Variants in GFRA1 observed in about 807,000 individuals in gnomAD.
GFRA1 encodes the protein GDNF family receptor alpha-1.
A neutral mutation model predicts 51.6 loss-of-function variants in GFRA1; 16 were observed. The observed-to-expected ratio is 0.31, with a 90% CI of 0.21 to 0.47. The LOEUF is 0.47. Ranked by LOEUF, GFRA1 falls within the 20% of genes least tolerant of loss-of-function variation. GFRA1 has a pLI of 1.00. For missense variants in GFRA1, 530 were observed against 594.3 expected, an observed-to-expected ratio of 0.89 and a Z score of 1.13; for synonymous variants, 270 against 241.3, an observed-to-expected ratio of 1.12 and a Z score of -1.10.
intron 4 of GFRA1, among the ~76,000 whole-genome samples, chr10:116,231,371 T>C (rs760967868): frequency 4.3e-4 from 65 of 152,158 alleles, no homozygotes; most frequent in Non-Finnish European, 2.2e-4. Flanking sequence ...TTAAACTAAA[T>C]AGTGGCTCAA....
At chr10:116,245,535 C>A (rs1413714438) in intron 4 of GFRA1, among the ~76,000 whole-genome samples, 2 of 152,132 alleles carry the variant, frequency 1.3e-5, no homozygotes, top group African/African-American at 4.8e-5. Flanking sequence ...TTTTACAAAC[C>A]TAAACATAGA....
At chr10:116,185,359 C>T (rs1382846639) in intron 5 of GFRA1, among the ~76,000 whole-genome samples, 1 of 152,132 alleles carries the variant, frequency 6.6e-6, no homozygotes, top group Non-Finnish European at 1.5e-5. Context: ...AGGCTATTAA[C>T]AGTGCCACCC....
chr10:116,124,298 C>T (rs1033403896), intron 6 of GFRA1, among the ~76,000 whole-genome samples: 2 of 151,646 alleles, frequency 1.3e-5, no homozygotes, highest in East Asian at 1.9e-4. Flanking sequence ...GGTGCCATCT[C>T]GCCTCACTGC....
At chr10:116,086,348 A>G (rs1008473426) in intron 9 of GFRA1, among the ~76,000 whole-genome samples, 2 of 152,156 alleles carry the variant, frequency 1.3e-5, no homozygotes, top group African/African-American at 4.8e-5. Flanking sequence ...TCAGACACCA[A>G]ACTGCATGTG....
chr10:116,162,594 T>A (rs980340682), intron 5 of GFRA1, among the ~76,000 whole-genome samples: 2 of 152,218 alleles, frequency 1.3e-5, no homozygotes, highest in East Asian at 1.9e-4. Context: ...CACATACACA[T>A]GCACTTGGAC....
At chr10:116,121,979 G>A (rs745479834) in intron 6 of GFRA1, among the ~76,000 whole-genome samples, 12 of 152,166 alleles carry the variant, frequency 7.9e-5, no homozygotes, top group Admixed American at 6.5e-5. Flanking sequence ...CAACCTAGCA[G>A]CTCAAATTAT....
At chr10:116,247,743 A>G (rs921152017) in intron 4 of GFRA1, among the ~76,000 whole-genome samples, 6 of 152,168 alleles carry the variant, frequency 3.9e-5, no homozygotes, top group Admixed American at 3.9e-4. Context: ...ACCCACTCCT[A>G]TCACTCTCTG....
chr10:116,092,558 G>T (rs1460976271), intron 8 of GFRA1, among the ~76,000 whole-genome samples: 1 of 152,116 alleles, frequency 6.6e-6, no homozygotes, highest in Non-Finnish European at 1.5e-5. Context: ...CCACCAGGAA[G>T]TCAGACTGAC....
chr10:116,213,718 G>T (rs2134454650), intron 4 of GFRA1, among the ~76,000 whole-genome samples: 1 of 152,222 alleles, frequency 6.6e-6, no homozygotes, highest in East Asian at 1.9e-4. Flanking sequence ...GCACCTCATA[G>T]GTTAACAGAC....
At position 116,064,256 on chromosome 10, in the gene GFRA1, GAAAA is replaced by G; in HGVS notation, c.*138_*141del. The G allele has an allele frequency of 1.6e-6, 1 of 609,896 alleles. No individual in the cohort carries two copies. 37.8% of individuals were successfully genotyped at this position (609,896 alleles called of 1,614,324 possible). ...GGATCACAAGAAGCTTTCTTAAAAGGAAAAAAAAAAAATGTTCCAGTTGAATGGA... is the reference window on the plus strand; with the variant it reads ...GGATCACAAGAAGCTTTCTTAAAAGGAAAAAAAATGTTCCAGTTGAATGGA... On this transcript the variant is annotated 3_prime_UTR_variant, in exon 11 of 11. Transcript: ENST00000355422.
chr10:116,177,523 C>A (rs1264870998), intron 5 of GFRA1, among the ~76,000 whole-genome samples: 1 of 152,030 alleles, frequency 6.6e-6, no homozygotes, highest in African/African-American at 2.4e-5. Context: ...GGAGGAGGGT[C>A]TTGGCTAGTG....
At chr10:116,121,503 C>A (rs998667398) in intron 6 of GFRA1, among the ~76,000 whole-genome samples, 2 of 152,150 alleles carry the variant, frequency 1.3e-5, no homozygotes, top group Admixed American at 1.3e-4. Context: ...TGTTGCTTCC[C>A]ATCTGTTTGA....
intron 4 of GFRA1, among the ~76,000 whole-genome samples, chr10:116,222,447 C>T (rs886985060): frequency 1.3e-5 from 2 of 152,154 alleles, no homozygotes; most frequent in Non-Finnish European, 2.9e-5. Flanking sequence ...GATCCGCCCC[C>T]TTCAGGCTCC....
At position 116,088,257 on chromosome 10, in the gene GFRA1, G is replaced by A. The variant is rs1956178273; in HGVS notation, c.1197+1484C>T. The stretch of plus-strand genomic sequence containing the variant: ...GTCAAGCTAGTATTTGGTGAAAGAA[G>A]GCATCTTGTGAGAATTCTAGTGAGG... On this transcript the variant is annotated intron_variant, in intron 9 of 10. Coordinates refer to ENST00000355422, the MANE Select transcript of GFRA1 (RefSeq NM_005264.8). 2.0e-5 allele frequency among the ~76,000 whole-genome samples: 3 copies of A among 150,682 alleles called. 1 individual carries two copies. In the South Asian group the frequency reaches 6.4e-4, roughly 32 times the overall value.
chr10:116,251,313 C>T (rs948350910), intron 4 of GFRA1, among the ~76,000 whole-genome samples: 10 of 152,160 alleles, frequency 6.6e-5, no homozygotes, highest in Admixed American at 4.6e-4. Context: ...GACAAAGCTC[C>T]GAAGAGCACA....
intron 4 of GFRA1, among the ~76,000 whole-genome samples, chr10:116,239,766 A>G (rs2134623965): frequency 6.6e-6 from 1 of 152,346 alleles, no homozygotes; most frequent in South Asian, 2.1e-4. Flanking sequence ...TCATCAAAAG[A>G]TAATTTATAC....
intron 5 of GFRA1, among the ~76,000 whole-genome samples, chr10:116,128,598 C>T (rs922014014): frequency 2.6e-5 from 4 of 151,764 alleles, no homozygotes; most frequent in Non-Finnish European, 5.9e-5. Context: ...TGGTGGCGGG[C>T]GCCTGTAGTC....
At chr10:116,233,077 A>G (rs1262411844) in intron 4 of GFRA1, among the ~76,000 whole-genome samples, 3 of 152,178 alleles carry the variant, frequency 2.0e-5, no homozygotes, top group African/African-American at 7.2e-5. Context: ...CTGTAATTCC[A>G]GCACTGTAGG....
At position 116,062,884 on chromosome 10, in the gene GFRA1, G is replaced by C. The variant is rs1197937843; in HGVS notation, c.*1514C>G. 6.6e-6 allele frequency: 1 copy of C among 152,190 alleles called. No homozygotes were observed. Among genetic ancestry groups the C allele is most frequent in the Non-Finnish European group, 1.5e-5 (1 of 68,038 alleles). 9.4% of individuals were successfully genotyped at this position (152,190 alleles called of 1,614,324 possible). ...CTTATCACCAGGGTCCTGTTCTGCT[G>C]ATCTGTGCCAAGCAACTCATCTCAC... On this transcript the variant is annotated 3_prime_UTR_variant, in exon 11 of 11. Transcript: ENST00000355422.
Sources: gnomAD v4.1 joint callset for allele counts (sites outside exome capture counted in the v4.1 genomes callset) on GRCh38, gnomAD v4.1.1 for gene constraint, MANE v1.5 for transcripts, NCBI Gene and HGNC (gene_info 2026-07-23, HGNC 2026-07-21) for gene names.